Variants in DDX60L observed in about 807,000 individuals in gnomAD.
DDX60L encodes probable ATP-dependent RNA helicase DDX60-like.
A neutral mutation model predicts 211.6 loss-of-function variants in DDX60L; 191 were observed. That is an observed-to-expected ratio of 0.90 (90% CI 0.80 to 1.02). The LOEUF (loss-of-function observed/expected upper bound fraction) is 1.02, where lower values mean the gene tolerates loss of function less well. DDX60L is among the 50% of genes least tolerant of loss of function. DDX60L has a pLI of 0.00. For synonymous variants in DDX60L, 706 were observed against 694.1 expected (o/e 1.02, Z -0.27); for missense variants, 2,007 against 1,984.1 (o/e 1.01, Z -0.22).
At chr4:168,464,671 C>T (rs1230430426) in intron 4 of DDX60L, among the ~76,000 whole-genome samples, 1 of 151,990 alleles carries the variant, frequency 6.6e-6, no homozygotes, top group Non-Finnish European at 1.5e-5. Flanking sequence ...ATATTGATCA[C>T]ATCAGACACA....
intron 8 of DDX60L, among the ~76,000 whole-genome samples, chr4:168,450,229 G>A (rs1367877482): frequency 5.9e-5 from 9 of 152,088 alleles, no homozygotes; most frequent in South Asian, 4.1e-4. Flanking sequence ...GACCTTGCAC[G>A]TGATGGATCA....
chr4:168,386,749 T>A (rs532373782), intron 29 of DDX60L, among the ~76,000 whole-genome samples: 1 of 151,714 alleles, frequency 6.6e-6, no homozygotes, highest in Admixed American at 6.6e-5. Flanking sequence ...AAAATGAGAT[T>A]CCTGAAGATT....
intron 16 of DDX60L, among the ~76,000 whole-genome samples, chr4:168,422,197 C>T (rs1164156258): frequency 6.6e-6 from 1 of 152,130 alleles, no homozygotes; most frequent in Non-Finnish European, 1.5e-5. Flanking sequence ...CATATTTTTC[C>T]ATTAGAAAAC....
At chr4:168,395,330 T>C (rs1052132959) in intron 27 of DDX60L, among the ~76,000 whole-genome samples, 1 of 152,174 alleles carries the variant, frequency 6.6e-6, no homozygotes, top group African/African-American at 2.4e-5. Context: ...ACAGACCAAT[T>C]TGTATATAAT....
At chr4:168,391,358 A>C (rs1744782432) in intron 29 of DDX60L, among the ~76,000 whole-genome samples, 182 bp downstream of exon 29, 1 of 152,264 alleles carries the variant, frequency 6.6e-6, no homozygotes, top group Non-Finnish European at 1.5e-5. Flanking sequence ...AAGTAGTAAC[A>C]ACAGATAGAT....
chr4:168,388,840 A>G (rs996472446), intron 29 of DDX60L, among the ~76,000 whole-genome samples: 1 of 152,186 alleles, frequency 6.6e-6, no homozygotes, highest in East Asian at 1.9e-4. Context: ...GTTTGAATGT[A>G]GGCAGAATCA....
At chr4:168,437,896 C>T (rs1044260294) in intron 10 of DDX60L, among the ~76,000 whole-genome samples, 7 of 151,928 alleles carry the variant, frequency 4.6e-5, no homozygotes, top group East Asian at 1.9e-4. Context: ...TTTTTTGAAA[C>T]GGAGTCTCAC....
intron 29 of DDX60L, among the ~76,000 whole-genome samples, chr4:168,385,850 T>A (rs1400897378): frequency 6.6e-6 from 1 of 152,008 alleles, no homozygotes; most frequent in African/African-American, 2.4e-5. Flanking sequence ...GTACTAGGGA[T>A]GGTAAGATGA....
Position 168,448,714 on chromosome 4 carries a change from T to C in DDX60L, c.1062A>G (p.Leu354=), listed in dbSNP as rs754132789. ...LNVFGCWNLN[L]NHVSDLYDEQ... is the part of the protein sequence containing the mutation. The stretch of plus-strand genomic sequence containing the variant: ...CATCATACAAGTCAGAAACATGATT[T>C]AAATTCAGATTCCAGCATCCAAAAA... Residue 354 remains leucine (L), a synonymous_variant, in exon 9 of 38, where the codon TTA becomes TTG. Coordinates refer to ENST00000682922, the MANE Select transcript of DDX60L (RefSeq NM_001012967.3). 6.2e-7 allele frequency: 1 copy of C among 1,605,218 alleles called. No homozygotes were observed. The highest frequency in any genetic ancestry group is 1.1e-5 in the South Asian group (1 of 90,498).
intron 8 of DDX60L, among the ~76,000 whole-genome samples, chr4:168,449,637 C>CAAAAAAAAAATGCAAAAAAAAAAAAAAA (rs1755407799): frequency 4.5e-5 from 2 of 44,842 alleles, no homozygotes; most frequent in Non-Finnish European, 7.4e-5. Flanking sequence ...AACATTAAAA[C>CAAAAAAAAAATGCAAAAAAAAAAAAAAA]AAAAAAAAAA....
chr4:168,459,280 G>A (rs575583627), intron 5 of DDX60L, among the ~76,000 whole-genome samples: 1 of 151,960 alleles, frequency 6.6e-6, no homozygotes, highest in Non-Finnish European at 1.5e-5. Context: ...GAGCCCAGGA[G>A]TTTGAAACCA....
intron 10 of DDX60L, among the ~76,000 whole-genome samples, chr4:168,439,897 T>C (rs80029544): frequency 0.021 from 3,168 of 152,230 alleles, 41 homozygotes; most frequent in Non-Finnish European, 0.029. Flanking sequence ...AGATCAATCA[T>C]AGACTTGTGA....
At chr4:168,445,542 A>G (rs1754642570) in intron 9 of DDX60L, among the ~76,000 whole-genome samples, 1 of 152,178 alleles carries the variant, frequency 6.6e-6, no homozygotes, top group Non-Finnish European at 1.5e-5. Context: ...GGCCAGCATC[A>G]TTCTGATACC....
intron 9 of DDX60L, among the ~76,000 whole-genome samples, chr4:168,442,184 C>T (rs1753963263): frequency 6.6e-6 from 1 of 152,132 alleles, no homozygotes; most frequent in Admixed American, 6.5e-5. Context: ...GGCATTGCCT[C>T]ACTTGGGAAG....
At chr4:168,370,479 A>T (rs1740808559) in intron 36 of DDX60L, among the ~76,000 whole-genome samples, 1 of 152,192 alleles carries the variant, frequency 6.6e-6, no homozygotes, top group Non-Finnish European at 1.5e-5. Context: ...ACAAAATTAC[A>T]GTAAGTAGAT....
chr4:168,366,592 A>G (rs77103424), intron 36 of DDX60L, among the ~76,000 whole-genome samples: 13,688 of 150,416 alleles, frequency 0.091, 792 homozygotes, highest in Non-Finnish European at 0.14. Context: ...ATCTCCATTA[A>G]AATACCAATG....
chr4:168,377,127 C>T (rs930899312), intron 33 of DDX60L, among the ~76,000 whole-genome samples: 1 of 151,936 alleles, frequency 6.6e-6, no homozygotes, highest in African/African-American at 2.4e-5. Flanking sequence ...CTCAACTGTA[C>T]TAAAAATACA....
rs1217286553 is a variant in DDX60L at position 168,415,781 on chromosome 4, T to C, written c.2745A>G (p.Lys915=). 6.4e-7 allele frequency: 1 copy of C among 1,565,200 alleles called. No homozygotes were observed. The highest frequency in any genetic ancestry group is 2.3e-5 in the East Asian group (1 of 42,696). ...TCTTGTCTGCCTGTTTCCAGTACTG[T>C]TTTACTGATTGCAGCCACCTTACAG... The part of the protein sequence containing the change: ...NLLTKWLQSV[K]QYWKQADKIM... The change falls in exon 21 of 38, where the codon AAA becomes AAG. Residue 915 remains lysine, a synonymous_variant. Transcript: ENST00000682922.
intron 4 of DDX60L, among the ~76,000 whole-genome samples, chr4:168,462,519 A>G (rs1312398629): frequency 6.6e-6 from 1 of 152,200 alleles, no homozygotes; most frequent in Non-Finnish European, 1.5e-5. Context: ...CACTTTTCAA[A>G]AGAAGACATA....
Sources: gnomAD v4.1 joint callset for allele counts (sites outside exome capture counted in the v4.1 genomes callset) on GRCh38, gnomAD v4.1.1 for gene constraint, MANE v1.5 for transcripts, NCBI Gene and HGNC (gene_info 2026-07-23, HGNC 2026-07-21) for gene names.